Variants in CLNK observed in about 807,000 individuals in gnomAD.
CLNK encodes cytokine dependent hematopoietic cell linker, also known as cytokine-dependent hematopoietic cell linker.
CLNK carries 74 observed loss-of-function variants against 68.6 expected under a neutral mutation model. The observed-to-expected ratio is 1.08, with a 90% CI of 0.89 to 1.31. The LOEUF (loss-of-function observed/expected upper bound fraction) is 1.31, where lower values mean the gene tolerates loss of function less well. CLNK is among the 50% of genes most tolerant of loss of function. The pLI is 0.00. For missense variants in CLNK, 553 were observed against 515.3 expected (o/e 1.07, Z -0.71); for synonymous variants, 198 against 172.2 (o/e 1.15, Z -1.17).
the CLNK span, among the ~76,000 whole-genome samples, chr4:10,717,842 A>G: frequency 6.6e-6 from 1 of 152,200 alleles, no homozygotes; most frequent in Non-Finnish European, 1.5e-5. Flanking sequence ...GAACCATAAA[A>G]TTTCAGTTGG....
At chr4:10,694,400 C>A in the CLNK span, among the ~76,000 whole-genome samples, 3 of 151,964 alleles carry the variant, frequency 2.0e-5, no homozygotes, top group Non-Finnish European at 4.4e-5. Context: ...CTGCCTAAGG[C>A]TGTTTTAGTC....
intron 8 of CLNK, among the ~76,000 whole-genome samples, chr4:10,544,522 G>C (rs191905498): frequency 3.9e-5 from 6 of 152,272 alleles, no homozygotes; most frequent in Non-Finnish European, 8.8e-5. Context: ...GCAGATTGGA[G>C]GACAGCACGG....
At position 10,559,623 on chromosome 4, in the gene CLNK, T is replaced by C. The variant is rs368164199; in HGVS notation, c.400-1171A>G. ...GCAGGAGAGGTTCCCATTGTCTCCG[T>C]CTTAGGTGGGATTTGCAATCTCAGG... On this transcript the variant is annotated intron_variant, in intron 7 of 18. Coordinates refer to ENST00000226951, the MANE Select transcript of CLNK (RefSeq NM_052964.4). 2.6e-5 allele frequency among the ~76,000 whole-genome samples: 4 copies of C among 152,174 alleles called. No homozygotes were observed. The East Asian group carries it at 5.8e-4, about 22-fold the overall frequency.
intron 5 of CLNK, 144 bp downstream of exon 5, chr4:10,571,597 A>C (rs1012200775): frequency 3.3e-6 from 2 of 602,030 alleles, no homozygotes; most frequent in Admixed American, 2.9e-5. Flanking sequence ...TGGCCTCCCA[A>C]AGTGCTGGGA....
At chr4:10,526,979 T>C (rs996371105) in intron 13 of CLNK, among the ~76,000 whole-genome samples, 3 of 152,206 alleles carry the variant, frequency 2.0e-5, no homozygotes, top group African/African-American at 7.2e-5. Context: ...TGCTTGTTGC[T>C]CTGTACTCTG....
chr4:10,564,833 AT>A, intron 6 of CLNK, 56 bp from the exon 7 acceptor site: 1 of 1,054,620 alleles, frequency 9.5e-7, no homozygotes, highest in Non-Finnish European at 1.5e-6. Flanking sequence ...GCACATTACA[AT>A]TTACAAAGTA....
chr4:10,649,335 A>G (rs527378075), intron 2 of CLNK, among the ~76,000 whole-genome samples: 1 of 152,316 alleles, frequency 6.6e-6, no homozygotes, highest in South Asian at 2.1e-4. Context: ...GGGACTATTC[A>G]GAGAGAGTCC....
intron 2 of CLNK, among the ~76,000 whole-genome samples, chr4:10,639,996 C>T (rs912994201): frequency 4.1e-4 from 63 of 152,340 alleles, no homozygotes; most frequent in African/African-American, 1.3e-3. Flanking sequence ...GACCACACTA[C>T]TTTCTATTTT....
At chr4:10,491,827 G>C (rs1716587046) in intron 18 of CLNK, among the ~76,000 whole-genome samples, 1 of 152,050 alleles carries the variant, frequency 6.6e-6, no homozygotes, top group Non-Finnish European at 1.5e-5. Flanking sequence ...TTACATGGAT[G>C]AATTGTATAA....
At chr4:10,567,387 G>T (rs1233936367) in intron 5 of CLNK, among the ~76,000 whole-genome samples, 11 of 152,188 alleles carry the variant, frequency 7.2e-5, no homozygotes, top group Admixed American at 6.5e-4. Context: ...ATATCCACAT[G>T]CATGGCAGTG....
intron 2 of CLNK, among the ~76,000 whole-genome samples, chr4:10,617,245 A>T (rs1252846576): frequency 6.6e-6 from 1 of 152,198 alleles, no homozygotes; most frequent in Non-Finnish European, 1.5e-5. Flanking sequence ...CTTGCTTAAT[A>T]TGCTAATGTC....
At chr4:10,688,420 T>A (rs543822434), upstream of CLNK, among the ~76,000 whole-genome samples, 1 of 152,268 alleles carries the variant, frequency 6.6e-6, no homozygotes, top group East Asian at 1.9e-4. Flanking sequence ...AGAGAACTTC[T>A]AAGGTCAATC....
the CLNK span, among the ~76,000 whole-genome samples, chr4:10,695,998 G>C: frequency 3.3e-5 from 5 of 151,982 alleles, no homozygotes; most frequent in African/African-American, 1.2e-4. Flanking sequence ...TGGGATTACA[G>C]GTGCCTACCA....
intron 1 of CLNK, among the ~76,000 whole-genome samples, chr4:10,681,006 T>A (rs1227900612): frequency 1.3e-5 from 2 of 151,022 alleles, no homozygotes; most frequent in Non-Finnish European, 3.0e-5. Flanking sequence ...TATATATAAA[T>A]TTCTACAGGT....
At position 10,666,621 on chromosome 4, in the gene CLNK, A is replaced by G. The variant is rs1363297358; in HGVS notation, c.11+1238T>C. Among the ~76,000 whole-genome samples the G allele has an allele frequency of 3.3e-5, 5 of 152,224 alleles. No homozygotes were observed. In the East Asian group the frequency reaches 7.7e-4, roughly 23 times the overall value. ...TTTAGATGAAGAAGCTAATTTTCCA[A>G]GAAGAGCTAGTAATACCTGCCACCC... On this transcript the variant is annotated intron_variant, in intron 2 of 18. Coordinates refer to ENST00000226951, the MANE Select transcript of CLNK (RefSeq NM_052964.4).
At chr4:10,620,093 T>A (rs1469269625) in intron 2 of CLNK, among the ~76,000 whole-genome samples, 1 of 152,114 alleles carries the variant, frequency 6.6e-6, no homozygotes, top group African/African-American at 2.4e-5. Flanking sequence ...ATTCTGCGCA[T>A]CAAGAAAAGG....
intron 2 of CLNK, among the ~76,000 whole-genome samples, chr4:10,651,532 A>T (rs1304260187): frequency 2.0e-5 from 3 of 152,234 alleles, no homozygotes; most frequent in Non-Finnish European, 4.4e-5. Flanking sequence ...GGAACATCAC[A>T]CACTGGGGCC....
At chr4:10,564,897 A>G (rs1234097946) in intron 6 of CLNK, 120 bp from the exon 7 acceptor site, 6 of 681,488 alleles carry the variant, frequency 8.8e-6, no homozygotes, top group East Asian at 2.7e-5. Flanking sequence ...AGAGCAAGCA[A>G]TTCTGCTTTC....
chr4:10,712,204 C>T, the CLNK span, among the ~76,000 whole-genome samples: 1 of 152,060 alleles, frequency 6.6e-6, no homozygotes, highest in Non-Finnish European at 1.5e-5. Flanking sequence ...GAGGAGGTGC[C>T]AGTCTGTCAC....
Sources: gnomAD v4.1 joint callset for allele counts (sites outside exome capture counted in the v4.1 genomes callset) on GRCh38, gnomAD v4.1.1 for gene constraint, MANE v1.5 for transcripts, NCBI Gene and HGNC (gene_info 2026-07-23, HGNC 2026-07-21) for gene names.